Variants in RGL1 observed in about 807,000 individuals in gnomAD.
RGL1 encodes the protein ral guanine nucleotide dissociation stimulator like 1.
A neutral mutation model predicts 95.2 loss-of-function variants in RGL1; 24 were observed. That is an observed-to-expected ratio of 0.25 (90% CI 0.18 to 0.35). RGL1 has a LOEUF of 0.35. Among genes scored for constraint, RGL1 ranks in the 10% least tolerant of loss-of-function variants. The probability of loss-of-function intolerance (pLI) is 1.00; values close to 1 mark genes in which losing one functional copy is unlikely to be tolerated. For synonymous variants in RGL1, 329 were observed against 344.9 expected, an observed-to-expected ratio of 0.95 and a Z score of 0.51; for missense variants, 715 against 936.3, an observed-to-expected ratio of 0.76 and a Z score of 3.08.
At chr1:183,874,326 A>C (rs1666360440) in intron 4 of RGL1, among the ~76,000 whole-genome samples, 1 of 152,192 alleles carries the variant, frequency 6.6e-6, no homozygotes, top group Admixed American at 6.5e-5. Flanking sequence ...CCTCTGATAA[A>C]AATGAAAATA....
intron 2 of RGL1, among the ~76,000 whole-genome samples, chr1:183,791,622 A>G (rs1660444708): frequency 6.6e-6 from 1 of 152,250 alleles, no homozygotes; most frequent in Non-Finnish European, 1.5e-5. Flanking sequence ...AGAACAGAAT[A>G]ACTGGTGATA....
At chr1:183,824,673 T>C (rs7523972) in intron 2 of RGL1, among the ~76,000 whole-genome samples, 111,426 of 152,096 alleles carry the variant, frequency 0.73, 41,061 homozygotes, top group Middle Eastern at 0.82. Flanking sequence ...TAAATATGTG[T>C]TATCCTAAGT....
chr1:183,785,879 G>C (rs960338079), intron 2 of RGL1, among the ~76,000 whole-genome samples: 2 of 152,134 alleles, frequency 1.3e-5, no homozygotes, highest in African/African-American at 4.8e-5. Context: ...GAGGCCAGGA[G>C]TTTGAGACCA....
chr1:183,894,624 C>T (rs999558270), intron 9 of RGL1, among the ~76,000 whole-genome samples: 3 of 151,978 alleles, frequency 2.0e-5, no homozygotes, highest in Admixed American at 1.3e-4. Context: ...GAAAAACTAC[C>T]GGCCTCTGTT....
intron 2 of RGL1, among the ~76,000 whole-genome samples, chr1:183,811,223 T>C (rs988672882): frequency 3.3e-5 from 5 of 152,220 alleles, no homozygotes; most frequent in Non-Finnish European, 1.5e-5. Context: ...TTATTCATTT[T>C]AACGAACATT....
At chr1:183,785,010 G>T (rs1003677735) in intron 2 of RGL1, among the ~76,000 whole-genome samples, 6 of 152,074 alleles carry the variant, frequency 3.9e-5, no homozygotes, top group African/African-American at 1.4e-4. Context: ...TTTTCATGTG[G>T]CTTCTGGAAA....
chr1:183,640,109 T>C (rs140552432), intron 1 of RGL1, among the ~76,000 whole-genome samples: 10,433 of 152,220 alleles, frequency 0.069, 621 homozygotes, highest in African/African-American at 0.16. Context: ...AGTGCTGGGA[T>C]TACAGGTGTG....
intron 2 of RGL1, among the ~76,000 whole-genome samples, chr1:183,815,194 A>G (rs1390724850): frequency 6.6e-6 from 1 of 152,084 alleles, no homozygotes; most frequent in Non-Finnish European, 1.5e-5. Context: ...GAATCGCCTG[A>G]ACCTGGGAAG....
chr1:183,911,090 T>C (rs1299532508), intron 14 of RGL1, among the ~76,000 whole-genome samples: 1 of 152,244 alleles, frequency 6.6e-6, no homozygotes. Context: ...CAGGGGATTC[T>C]CTGAAGCCTG....
At chr1:183,909,975 C>T (rs1167326726) in intron 14 of RGL1, among the ~76,000 whole-genome samples, 1 of 152,108 alleles carries the variant, frequency 6.6e-6, no homozygotes, top group Non-Finnish European at 1.5e-5. Flanking sequence ...AGCACTTTGA[C>T]GATATTATTC....
intron 2 of RGL1, among the ~76,000 whole-genome samples, chr1:183,841,673 T>C (rs1271519669): frequency 6.6e-6 from 1 of 152,200 alleles, no homozygotes. Context: ...GTATTGGCCT[T>C]GTCATGTTCT....
intron 4 of RGL1, among the ~76,000 whole-genome samples, chr1:183,875,936 CT>C (rs1203672714): frequency 6.6e-6 from 1 of 151,322 alleles, no homozygotes; most frequent in Non-Finnish European, 1.5e-5. Flanking sequence ...TCCCCCAACT[CT>C]TTATATTTTT....
Position 183,819,457 on chromosome 1 carries a change from G to T in RGL1, c.138+12972G>T, listed in dbSNP as rs1403141134. Among the ~76,000 whole-genome samples, 5 of 152,188 alleles carry T rather than the reference G, an allele frequency of 3.3e-5. No homozygotes were observed. In the East Asian group the frequency reaches 9.6e-4, roughly 29 times the overall value. On this transcript the variant is annotated intron_variant, in intron 2 of 17. Coordinates refer to ENST00000360851, the MANE Select transcript of RGL1 (RefSeq NM_001297671.3). ...GTACAACTCAATTCCCTTGCTCTCT[G>T]GCCCTCCGACACTTTTCTTTATTCT... is the stretch of plus-strand genomic sequence containing the variant.
chr1:183,782,362 C>T (rs1659949039), intron 2 of RGL1, among the ~76,000 whole-genome samples: 1 of 152,208 alleles, frequency 6.6e-6, no homozygotes, highest in Non-Finnish European at 1.5e-5. Flanking sequence ...AAAGGAAACT[C>T]AGTGCGTTCA....
At chr1:183,891,941 C>T in intron 8 of RGL1, 136 bp from the exon 9 acceptor site, 2 of 583,266 alleles carry the variant, frequency 3.4e-6, no homozygotes, top group South Asian at 5.0e-5. Context: ...TGGGCCTTAT[C>T]TGTGCTTACA....
intron 1 of RGL1, among the ~76,000 whole-genome samples, chr1:183,667,904 G>A (rs1316436340): frequency 2.0e-5 from 3 of 151,672 alleles, no homozygotes; most frequent in Admixed American, 1.3e-4. Flanking sequence ...AACACTATAC[G>A]GCTTCAGGTA....
chr1:183,644,771 A>G (rs985395960), intron 1 of RGL1, among the ~76,000 whole-genome samples: 2 of 152,210 alleles, frequency 1.3e-5, no homozygotes, highest in Admixed American at 6.5e-5. Context: ...AATAAAAAAG[A>G]TGTAACGGCA....
chr1:183,653,576 C>T (rs1401268133), intron 1 of RGL1, among the ~76,000 whole-genome samples: 2 of 152,174 alleles, frequency 1.3e-5, no homozygotes, highest in Admixed American at 6.5e-5. Context: ...CCAGGCCTGG[C>T]GGTTCTGTTG....
At chr1:183,801,286 C>T (rs148592456), upstream of RGL1, among the ~76,000 whole-genome samples, 13 of 151,602 alleles carry the variant, frequency 8.6e-5, no homozygotes, top group African/African-American at 3.1e-4. Flanking sequence ...ATGTGTTGGT[C>T]GTTTGTATGT....
Sources: gnomAD v4.1 joint callset for allele counts (sites outside exome capture counted in the v4.1 genomes callset) on GRCh38, gnomAD v4.1.1 for gene constraint, MANE v1.5 for transcripts, NCBI Gene and HGNC (gene_info 2026-07-23, HGNC 2026-07-21) for gene names.